The following ADAMTSL3 variants were observed in gnomAD, a reference collection of about 807,000 sequenced individuals.
ADAMTSL3 encodes the protein ADAMTS like 3.
In ADAMTSL3, 128 loss-of-function variants were observed where a neutral mutation model predicts 201.7. That is an observed-to-expected ratio of 0.63 (90% CI 0.55 to 0.73). The LOEUF is 0.73. Ranked by LOEUF, ADAMTSL3 falls within the 30% of genes least tolerant of loss-of-function variation. ADAMTSL3 has a pLI of 0.00. For missense variants in ADAMTSL3, 1,990 were observed against 2,119.6 expected, an observed-to-expected ratio of 0.94 and a Z score of 1.20; for synonymous variants, 738 against 748.4, an observed-to-expected ratio of 0.99 and a Z score of 0.23.
chr15:84,015,731 A>G (rs1378368308), intron 24 of ADAMTSL3, among the ~76,000 whole-genome samples: 1 of 152,194 alleles, frequency 6.6e-6, no homozygotes, highest in East Asian at 1.9e-4. Context: ...CAGATTGGCT[A>G]GGCTAACCCT....
At chr15:83,813,813 T>C (rs2063732896) in intron 5 of ADAMTSL3, among the ~76,000 whole-genome samples, 1 of 152,206 alleles carries the variant, frequency 6.6e-6, no homozygotes, top group Non-Finnish European at 1.5e-5. Context: ...CCCTGAGCCC[T>C]AGATAAAGAA....
intron 5 of ADAMTSL3, among the ~76,000 whole-genome samples, chr15:83,817,191 A>C (rs952841831): frequency 1.2e-4 from 18 of 152,372 alleles, no homozygotes; most frequent in Middle Eastern, 6.8e-3. Flanking sequence ...ACTTCCAAAA[A>C]GGATTTAAGG....
At chr15:83,686,245 T>C (rs1276674365) in intron 2 of ADAMTSL3, among the ~76,000 whole-genome samples, 1 of 152,194 alleles carries the variant, frequency 6.6e-6, no homozygotes, top group Non-Finnish European at 1.5e-5. Flanking sequence ...TGCATTTCAC[T>C]TACTCCTGAA....
chr15:83,748,383 C>T (rs1181636324), intron 3 of ADAMTSL3, among the ~76,000 whole-genome samples: 2 of 152,118 alleles, frequency 1.3e-5, no homozygotes, highest in Non-Finnish European at 2.9e-5. Flanking sequence ...CATGGTGGCT[C>T]ATGCCTGTAA....
chr15:83,765,419 G>A (rs1489554643), intron 3 of ADAMTSL3, among the ~76,000 whole-genome samples: 1 of 152,154 alleles, frequency 6.6e-6, no homozygotes, highest in Non-Finnish European at 1.5e-5. Context: ...ATTTTGGGTT[G>A]TTTTTAATAT....
At chr15:83,903,112 T>G (rs1192630926) in intron 15 of ADAMTSL3, among the ~76,000 whole-genome samples, 1 of 152,100 alleles carries the variant, frequency 6.6e-6, no homozygotes, top group East Asian at 1.9e-4. Context: ...TGAAATGCTA[T>G]CCTCAATACT....
intron 23 of ADAMTSL3, among the ~76,000 whole-genome samples, chr15:84,001,362 T>C (rs1297654055): frequency 1.3e-5 from 2 of 152,192 alleles, no homozygotes; most frequent in African/African-American, 2.4e-5. Context: ...CCATCAAAGC[T>C]CATCATCAAA....
intron 6 of ADAMTSL3, among the ~76,000 whole-genome samples, chr15:83,829,454 T>C (rs1046100446): frequency 2.6e-4 from 39 of 152,160 alleles, no homozygotes; most frequent in African/African-American, 8.4e-4. Context: ...TCTATCAATT[T>C]TGTTGATCTT....
At chr15:83,818,336 G>A (rs554419851) in intron 5 of ADAMTSL3, among the ~76,000 whole-genome samples, 1 of 151,866 alleles carries the variant, frequency 6.6e-6, no homozygotes, top group Non-Finnish European at 1.5e-5. Flanking sequence ...TTTTTGTTTT[G>A]TTTTTTTGGC....
At chr15:83,961,524 C>T (rs2066968694) in intron 19 of ADAMTSL3, 1 of 152,222 alleles carries the variant, frequency 6.6e-6, no homozygotes, top group Admixed American at 6.6e-5. Context: ...GCAAAACCCC[C>T]TTTGAACAGA....
intron 5 of ADAMTSL3, among the ~76,000 whole-genome samples, chr15:83,808,941 A>G (rs2063648188): frequency 6.6e-6 from 1 of 151,546 alleles, no homozygotes; most frequent in Admixed American, 6.6e-5. Flanking sequence ...ACAACTTGAT[A>G]TCTTAAAAGT....
intron 7 of ADAMTSL3, among the ~76,000 whole-genome samples, chr15:83,838,811 T>C (rs548244003): frequency 6.6e-6 from 1 of 152,358 alleles, no homozygotes; most frequent in African/African-American, 2.4e-5. Context: ...ATATCTGTCC[T>C]TTAAAACATC....
At chr15:83,790,425 G>C (rs1199326254) in intron 4 of ADAMTSL3, among the ~76,000 whole-genome samples, 1 of 151,482 alleles carries the variant, frequency 6.6e-6, no homozygotes, top group East Asian at 1.9e-4. Flanking sequence ...GGCTGTTTCA[G>C]TATTTGAAAG....
At chr15:83,739,999 A>G (rs138634657) in intron 3 of ADAMTSL3, 4 of 419,670 alleles carry the variant, frequency 9.5e-6, no homozygotes, top group South Asian at 2.1e-5. Context: ...CCTGGAACCC[A>G]TGGCTGTTGA....
intron 2 of ADAMTSL3, among the ~76,000 whole-genome samples, chr15:83,661,099 T>C (rs1173051826): frequency 2.2e-4 from 33 of 148,040 alleles, no homozygotes; most frequent in Admixed American, 3.4e-4. Context: ...TGTAGATATG[T>C]GGCGTTATTT....
chr15:83,717,364 G>T (rs2062033841), intron 3 of ADAMTSL3: 1 of 152,210 alleles, frequency 6.6e-6, no homozygotes, highest in African/African-American at 2.4e-5. Context: ...CAACCTGCAT[G>T]TATAAGAACT....
At chr15:83,851,079 G>A (rs1401408392) in intron 7 of ADAMTSL3, among the ~76,000 whole-genome samples, 1 of 152,202 alleles carries the variant, frequency 6.6e-6, no homozygotes, top group Admixed American at 6.6e-5. Flanking sequence ...GGGTGGAGCA[G>A]GTGTCTGTGT....
At chr15:83,815,829 A>T (rs2063762991) in intron 5 of ADAMTSL3, among the ~76,000 whole-genome samples, 1 of 152,218 alleles carries the variant, frequency 6.6e-6, no homozygotes, top group Non-Finnish European at 1.5e-5. Context: ...TCTAGGTCAC[A>T]GTTTTCTCCA....
intron 6 of ADAMTSL3, among the ~76,000 whole-genome samples, chr15:83,829,778 T>A (rs1040420612): frequency 3.3e-5 from 5 of 152,246 alleles, no homozygotes; most frequent in Non-Finnish European, 7.3e-5. Flanking sequence ...CTTCATTTCC[T>A]TATGTACCCA....
Sources: gnomAD v4.1 joint callset for allele counts (sites outside exome capture counted in the v4.1 genomes callset) on GRCh38, gnomAD v4.1.1 for gene constraint, MANE v1.5 for transcripts, NCBI Gene and HGNC (gene_info 2026-07-23, HGNC 2026-07-21) for gene names.